The following CPNE4 variants were observed in gnomAD, a reference collection of about 807,000 sequenced individuals.
CPNE4 encodes the protein copine 4.
Under a neutral mutation model 67.9 loss-of-function variants are expected in CPNE4, and 25 were observed. That is an observed-to-expected ratio of 0.37 (90% CI 0.27 to 0.51). The LOEUF is 0.51. Among genes scored for constraint, CPNE4 ranks in the 20% least tolerant of loss-of-function variants. The probability of loss-of-function intolerance (pLI) is 0.93; values close to 1 mark genes in which losing one functional copy is unlikely to be tolerated. For missense variants in CPNE4, 464 were observed against 690.8 expected, an observed-to-expected ratio of 0.67 and a Z score of 3.68; for synonymous variants, 242 against 244.9, an observed-to-expected ratio of 0.99 and a Z score of 0.11.
At chr3:131,705,414 T>TA (rs927043466) in intron 3 of CPNE4, among the ~76,000 whole-genome samples, 4 of 152,120 alleles carry the variant, frequency 2.6e-5, no homozygotes, top group African/African-American at 7.2e-5. Context: ...GAATTGCATG[T>TA]AAAAAAAGTT....
At chr3:131,899,205 A>G (rs1293881576) in intron 2 of CPNE4, among the ~76,000 whole-genome samples, 1 of 152,066 alleles carries the variant, frequency 6.6e-6, no homozygotes, top group Non-Finnish European at 1.5e-5. Context: ...AAACGCCTCC[A>G]GGGGCCACTT....
chr3:132,005,452 AAC>A (rs372847549), intron 1 of CPNE4, among the ~76,000 whole-genome samples: 22 of 151,206 alleles, frequency 1.5e-4, no homozygotes, highest in African/African-American at 5.1e-4. Context: ...ACAATCTACT[AAC>A]ACATCCTTTT....
chr3:131,598,901 G>A (rs193277025), intron 7 of CPNE4, among the ~76,000 whole-genome samples: 9 of 139,346 alleles, frequency 6.5e-5, no homozygotes, highest in Admixed American at 3.3e-4. Flanking sequence ...GAGGAGCCTC[G>A]CTGGGTTTAC....
intron 1 of CPNE4, among the ~76,000 whole-genome samples, chr3:132,021,770 G>C (rs897161125): frequency 6.6e-6 from 1 of 152,106 alleles, no homozygotes; most frequent in Non-Finnish European, 1.5e-5. Context: ...ATTCATAGAA[G>C]TTAAAAATGT....
chr3:131,839,276 C>CA (rs1220227027), intron 2 of CPNE4, among the ~76,000 whole-genome samples: 1 of 151,406 alleles, frequency 6.6e-6, no homozygotes, highest in South Asian at 2.1e-4. Context: ...GAGAATAAGT[C>CA]AAAAAAATCG....
chr3:131,578,084 C>T (rs1239072069), intron 9 of CPNE4, among the ~76,000 whole-genome samples: 2 of 152,000 alleles, frequency 1.3e-5, no homozygotes, highest in African/African-American at 4.8e-5. Flanking sequence ...TTTATTGTAC[C>T]TCACTTTATT....
chr3:131,898,735 G>A (rs2088433525), intron 2 of CPNE4, among the ~76,000 whole-genome samples: 1 of 152,030 alleles, frequency 6.6e-6, no homozygotes, highest in African/African-American at 2.4e-5. Context: ...CAGGCAACAA[G>A]GAGAAAATAT....
intron 2 of CPNE4, among the ~76,000 whole-genome samples, chr3:131,835,232 A>G (rs769035644): frequency 5.3e-5 from 8 of 152,202 alleles, no homozygotes; most frequent in Non-Finnish European, 8.8e-5. Context: ...AGGGTACAGA[A>G]TAAAAAGGCC....
chr3:131,671,213 T>C (rs2080405342), intron 6 of CPNE4, among the ~76,000 whole-genome samples: 1 of 152,208 alleles, frequency 6.6e-6, no homozygotes, highest in Admixed American at 6.5e-5. Flanking sequence ...TTCTAATGCA[T>C]TGAAGTGGAG....
intron 2 of CPNE4, among the ~76,000 whole-genome samples, chr3:131,884,340 T>C (rs1024229595): frequency 6.6e-6 from 1 of 152,118 alleles, no homozygotes; most frequent in African/African-American, 2.4e-5. Context: ...TAAAATGTAA[T>C]TGGGAAAATC....
chr3:131,587,407 G>T, intron 8 of CPNE4, 77 bp downstream of exon 8: 1 of 893,670 alleles, frequency 1.1e-6, no homozygotes, highest in Non-Finnish European at 1.9e-6. Flanking sequence ...TTTGCCTCTT[G>T]CTGTTTCATT....
At chr3:131,930,189 C>T (rs953761338) in intron 1 of CPNE4, among the ~76,000 whole-genome samples, 1 of 152,072 alleles carries the variant, frequency 6.6e-6, no homozygotes, top group African/African-American at 2.4e-5. Context: ...GAGTCAAGGT[C>T]CTCATAGGAA....
At chr3:131,999,363 G>T (rs776701739) in intron 1 of CPNE4, among the ~76,000 whole-genome samples, 5 of 151,290 alleles carry the variant, frequency 3.3e-5, no homozygotes, top group Non-Finnish European at 7.4e-5. Flanking sequence ...CCATGCCATG[G>T]AATACAATCT....
At chr3:131,714,863 A>G (rs2081645512) in intron 3 of CPNE4, among the ~76,000 whole-genome samples, 1 of 152,160 alleles carries the variant, frequency 6.6e-6, no homozygotes. Flanking sequence ...AGGACTCCTG[A>G]CAGCCCAGGA....
intron 1 of CPNE4, among the ~76,000 whole-genome samples, chr3:131,953,249 A>AAAT (rs1560669164): frequency 3.5e-5 from 5 of 141,056 alleles, no homozygotes; most frequent in African/African-American, 5.1e-5. Context: ...TAAAAAAAAA[A>AAAT]AAAAAAAAAA....
intron 2 of CPNE4, among the ~76,000 whole-genome samples, chr3:131,897,228 G>A (rs1246900766): frequency 6.6e-6 from 1 of 152,028 alleles, no homozygotes; most frequent in Admixed American, 6.6e-5. Flanking sequence ...GAGACACAAA[G>A]ATCTGAGTTC....
chr3:131,991,945 G>C (rs1581699), intron 1 of CPNE4, among the ~76,000 whole-genome samples: 86,179 of 135,246 alleles, frequency 0.64, 34,623 homozygotes, highest in South Asian at 0.83. Flanking sequence ...TGTGGTGTTT[G>C]TCCTACAGAT....
chr3:131,889,599 A>G (rs2088024623), intron 2 of CPNE4, among the ~76,000 whole-genome samples: 1 of 152,220 alleles, frequency 6.6e-6, no homozygotes, highest in African/African-American at 2.4e-5. Context: ...CTGAATTTCA[A>G]ATATTTTTTA....
At chr3:131,952,435 G>A (rs200021229) in intron 1 of CPNE4, among the ~76,000 whole-genome samples, 76 of 145,098 alleles carry the variant, frequency 5.2e-4, no homozygotes, top group East Asian at 8.7e-4. Flanking sequence ...AGTGAGGAGC[G>A]TCTCCGCCCA....
Sources: gnomAD v4.1 joint callset for allele counts (sites outside exome capture counted in the v4.1 genomes callset) on GRCh38, gnomAD v4.1.1 for gene constraint, MANE v1.5 for transcripts, NCBI Gene and HGNC (gene_info 2026-07-23, HGNC 2026-07-21) for gene names.